The following DGKI variants were observed in gnomAD, a reference collection of about 807,000 sequenced individuals.
The protein encoded by DGKI is diacylglycerol kinase iota, also known as DAG kinase iota.
A neutral mutation model predicts 147.5 loss-of-function variants in DGKI; 55 were observed. The observed-to-expected ratio is 0.37, with a 90% CI of 0.30 to 0.47. The LOEUF (loss-of-function observed/expected upper bound fraction) is 0.47, where lower values mean the gene tolerates loss of function less well. Among genes scored for constraint, DGKI ranks in the 20% least tolerant of loss-of-function variants. The pLI, the probability that DGKI is intolerant of heterozygous loss-of-function variation, is 1.00. For missense variants in DGKI, 1,007 were observed against 1,323.8 expected (o/e 0.76, Z 3.71); for synonymous variants, 469 against 477.1 (o/e 0.98, Z 0.22).
chr7:137,601,763 A>C (rs1197715739), intron 10 of DGKI, among the ~76,000 whole-genome samples: 1 of 152,218 alleles, frequency 6.6e-6, no homozygotes, highest in East Asian at 1.9e-4. Context: ...TGAGAATGTG[A>C]GCTCTAAAGT....
At chr7:137,577,354 T>A in intron 16 of DGKI, 70 bp from the exon 17 acceptor site, 1 of 1,095,060 alleles carries the variant, frequency 9.1e-7, no homozygotes, top group East Asian at 2.5e-5. Context: ...TGCTTCCATA[T>A]CCTAGATTCC....
chr7:137,743,430 C>A (rs970893150), intron 1 of DGKI, among the ~76,000 whole-genome samples: 4 of 152,180 alleles, frequency 2.6e-5, no homozygotes, highest in Non-Finnish European at 4.4e-5. Flanking sequence ...TACAAAGCAT[C>A]TTCTTGGACC....
At chr7:137,811,426 C>T (rs983402769) in intron 1 of DGKI, among the ~76,000 whole-genome samples, 1 of 149,632 alleles carries the variant, frequency 6.7e-6, no homozygotes, top group African/African-American at 2.5e-5. Context: ...ACACACCATA[C>T]TCACAGCTCA....
chr7:137,467,336 T>C (rs1202416157), intron 24 of DGKI, among the ~76,000 whole-genome samples: 1 of 152,240 alleles, frequency 6.6e-6, no homozygotes, highest in East Asian at 1.9e-4. Context: ...CTAAGAGACC[T>C]GCCTCTTTAA....
intron 12 of DGKI, among the ~76,000 whole-genome samples, chr7:137,588,650 G>A (rs972350645): frequency 1.3e-5 from 2 of 151,954 alleles, no homozygotes; most frequent in African/African-American, 4.8e-5. Context: ...CGAATTTTTT[G>A]TATTTTTAGT....
intron 2 of DGKI, among the ~76,000 whole-genome samples, chr7:137,684,675 G>A (rs1044869930): frequency 3.3e-5 from 5 of 152,194 alleles, no homozygotes; most frequent in East Asian, 1.9e-4. Flanking sequence ...CTTCATTTAC[G>A]TGGCTGACCA....
Position 137,846,785 on chromosome 7 carries a change from G to GGCGGCT in DGKI, c.72_77dup (p.Ala30_Ala31dup), listed in dbSNP as rs1290981267. On this transcript the variant is annotated inframe_insertion, in exon 1 of 33. Coordinates refer to ENST00000614521, the MANE Select transcript of DGKI (RefSeq NM_001321708.2). The surrounding 1 kb of genome is among the most constrained non-coding windows in gnomAD (Gnocchi z 4.0). The stretch of plus-strand genomic sequence containing the variant: ...CGGGCGGGCTGGCGGCGGCGGCGGC[G>GGCGGCT]GCGGCTGCAGGAGCGCGGGCAGGTC... The GGCGGCT allele has an allele frequency of 5.5e-6, 6 of 1,093,824 alleles. No homozygotes were observed. In the South Asian group the frequency reaches 1.7e-4, roughly 32 times the overall value. 67.8% of individuals were successfully genotyped at this position (1,093,824 alleles called of 1,614,324 possible). A position where few individuals can be genotyped will look rare whatever the true frequency, so the allele number is the denominator to read the frequency against.
chr7:137,691,809 T>TTTTTTTTTTTTTTTTTTTTTTTTTTG (rs1290595066), intron 1 of DGKI, among the ~76,000 whole-genome samples: 1 of 141,012 alleles, frequency 7.1e-6, no homozygotes, highest in African/African-American at 2.8e-5. Context: ...TTTTTTTTTT[T>TTTTTTTTTTTTTTTTTTTTTTTTTTG]TTTTTTTTTT....
intron 31 of DGKI, among the ~76,000 whole-genome samples, chr7:137,396,365 G>T (rs1170220184): frequency 1.3e-5 from 2 of 152,232 alleles, no homozygotes; most frequent in East Asian, 3.9e-4. Flanking sequence ...ACTCAGTGTG[G>T]GAAGGAGCAA....
At chr7:137,839,907 C>T (rs935243079) in intron 1 of DGKI, among the ~76,000 whole-genome samples, 10 of 152,152 alleles carry the variant, frequency 6.6e-5, no homozygotes, top group Admixed American at 3.3e-4. Context: ...AAAGCTGTTG[C>T]CCTTAAAAGA....
At chr7:137,723,798 C>T (rs1443125351) in intron 1 of DGKI, among the ~76,000 whole-genome samples, 1 of 149,214 alleles carries the variant, frequency 6.7e-6, no homozygotes. Flanking sequence ...CAAACTCCGC[C>T]TCCTGGGCTC....
chr7:137,401,618 T>G (rs1489313878), intron 30 of DGKI, among the ~76,000 whole-genome samples: 1 of 152,206 alleles, frequency 6.6e-6, no homozygotes, highest in Non-Finnish European at 1.5e-5. Flanking sequence ...TACGTTCTGA[T>G]TGCAGACACT....
chr7:137,749,207 T>C (rs185817985), intron 1 of DGKI, among the ~76,000 whole-genome samples: 2 of 152,290 alleles, frequency 1.3e-5, no homozygotes, highest in African/African-American at 4.8e-5. Context: ...CCTCCACCTT[T>C]CCATGCTCAA....
At chr7:137,434,512 C>T (rs778253839) in intron 28 of DGKI, among the ~76,000 whole-genome samples, 2 of 152,102 alleles carry the variant, frequency 1.3e-5, no homozygotes, top group Non-Finnish European at 2.9e-5. Flanking sequence ...ACCTGGGAGA[C>T]GGAGGTTGCA....
At chr7:137,568,204 A>G (rs1818657067) in intron 19 of DGKI, among the ~76,000 whole-genome samples, 1 of 152,150 alleles carries the variant, frequency 6.6e-6, no homozygotes, top group Non-Finnish European at 1.5e-5. Flanking sequence ...CTCTCTTTTC[A>G]CCTACATTTA....
At chr7:137,463,713 A>T (rs62490462) in intron 26 of DGKI, 102 bp from the exon 27 acceptor site, 1 of 1,378,278 alleles carries the variant, frequency 7.3e-7, no homozygotes, top group African/African-American at 1.5e-5. Context: ...TGTGAGAAGC[A>T]AAATTCATCT....
chr7:137,524,627 G>GA (rs1817078122), intron 20 of DGKI, among the ~76,000 whole-genome samples: 1 of 152,104 alleles, frequency 6.6e-6, no homozygotes. Flanking sequence ...TGCAAAGACT[G>GA]TAATTAGAAA....
rs1023363669 is a variant in DGKI, at chr7:137,846,773, G to A, written c.90C>T (p.Ala30=). The A allele has an allele frequency of 2.5e-5, 26 of 1,061,040 alleles. No individual in the cohort carries two copies. In the South Asian group the frequency reaches 4.4e-4, roughly 18 times the overall value. The allele number at this position is 1,061,040 out of a possible 1,614,324, so 65.7% of individuals were successfully genotyped here. A position where few individuals can be genotyped will look rare whatever the true frequency, so the allele number is the denominator to read the frequency against. ...CGCTGCAGGGGCCGGGCGGGCTGGC[G>A]GCGGCGGCGGCGGCGGCTGCAGGAG... ...ARAPAAAAAA[A]ASPPGPCSGA... The change falls in exon 1 of 33, where the codon GCC becomes GCT. Residue 30 remains alanine (A), a synonymous_variant. Coordinates refer to ENST00000614521, the MANE Select transcript of DGKI (RefSeq NM_001321708.2). This position sits in a 1 kb window ranked among gnomAD's most constrained non-coding sequence, Gnocchi z 4.0.
intron 23 of DGKI, among the ~76,000 whole-genome samples, chr7:137,473,795 A>G (rs560941256): frequency 6.6e-6 from 1 of 152,254 alleles, no homozygotes; most frequent in African/African-American, 2.4e-5. Flanking sequence ...TCTTCTACTT[A>G]TGTTCATTTT....
Sources: allele counts gnomAD v4.1 joint callset (sites outside exome capture counted in the v4.1 genomes callset), GRCh38; gene constraint gnomAD v4.1.1; non-coding constraint Gnocchi (gnomAD v3.1); transcripts MANE v1.5; gene names NCBI Gene and HGNC (gene_info 2026-07-23, HGNC 2026-07-21).